MMP16: variants seen among roughly 807,000 people sequenced by gnomAD.
The protein encoded by MMP16 is matrix metalloproteinase-16.
Under a neutral mutation model 67.8 loss-of-function variants are expected in MMP16, and 12 were observed. That is an observed-to-expected ratio of 0.18 (90% CI 0.11 to 0.29). MMP16 has a LOEUF of 0.29. MMP16 is among the 10% of genes least tolerant of loss of function. MMP16 has a pLI of 1.00. For missense variants in MMP16, 475 were observed against 765.7 expected (o/e 0.62, Z 4.48); for synonymous variants, 249 against 255.9 (o/e 0.97, Z 0.26).
rs1006970920 is a variant in MMP16, at chr8:88,032,581, A to C, written c.*8880T>G. The C allele has an allele frequency of 6.6e-6, 1 of 152,144 alleles. No homozygotes were observed. Among genetic ancestry groups the C allele is most frequent in the Non-Finnish European group, 1.5e-5 (1 of 68,018 alleles). 9.4% of individuals were successfully genotyped at this position (152,144 alleles called of 1,614,324 possible). On this transcript the variant is annotated 3_prime_UTR_variant, in exon 10 of 10. Coordinates refer to ENST00000286614, the MANE Select transcript of MMP16 (RefSeq NM_005941.5). Reference sequence around the variant, plus strand: ...CACTGATCAATAAAATCAATGAAAAAATTAATTTAAGCACCACAAAATTTT... The same window carrying C: ...CACTGATCAATAAAATCAATGAAAACATTAATTTAAGCACCACAAAATTTT...
At chr8:88,213,329 G>A (rs148434328) in intron 1 of MMP16, among the ~76,000 whole-genome samples, 58 of 152,196 alleles carry the variant, frequency 3.8e-4, no homozygotes, top group African/African-American at 1.3e-3. Flanking sequence ...ATCACGAGAC[G>A]TTTGAGAATG....
intron 4 of MMP16, among the ~76,000 whole-genome samples, chr8:88,120,715 A>G (rs959412697): frequency 2.6e-5 from 4 of 152,012 alleles, no homozygotes; most frequent in Non-Finnish European, 4.4e-5. Context: ...ACATGAACTC[A>G]GTCAGAAGAC....
At chr8:88,327,046 G>C (rs764276272) in intron 1 of MMP16, 29 bp downstream of exon 1, 7 of 1,612,926 alleles carry the variant, frequency 4.3e-6, no homozygotes, top group Non-Finnish European at 3.4e-6. Flanking sequence ...CAGGCAGCGG[G>C]GGGAGGAAGA....
chr8:88,121,450 A>G (rs541034036), intron 4 of MMP16, among the ~76,000 whole-genome samples: 2 of 152,168 alleles, frequency 1.3e-5, no homozygotes, highest in South Asian at 4.1e-4. Context: ...GTTGTTCAAT[A>G]AAGTACTGCC....
At chr8:88,083,695 A>G (rs1041840991) in intron 6 of MMP16, among the ~76,000 whole-genome samples, 1 of 152,102 alleles carries the variant, frequency 6.6e-6, no homozygotes, top group Admixed American at 6.6e-5. Flanking sequence ...GAAAAAATGT[A>G]GTTCATCTCT....
chr8:88,186,487 G>A lies in MMP16; in HGVS notation c.393C>T (p.His131=), dbSNP rs1445882327. ...GTGAGTTCTTATACCTGTAAGTGAT[G>A]TGCTTGTGCTGCCATTTCTGTCCTG... is the stretch of plus-strand genomic sequence containing the variant. ...ALTGQKWQHK[H]ITYSIKNVTP... is the part of the protein sequence containing the mutation. The change falls in exon 3 of 10, where the codon CAC becomes CAT. Residue 131 remains histidine, a synonymous_variant. Transcript: ENST00000286614. The A allele has an allele frequency of 2.5e-6, 4 of 1,612,384 alleles. No homozygotes were observed. The highest frequency in any genetic ancestry group is 1.7e-5 in the Admixed American group (1 of 59,774).
chr8:88,298,773 T>C (rs1256116974), intron 1 of MMP16, among the ~76,000 whole-genome samples: 1 of 152,220 alleles, frequency 6.6e-6, no homozygotes, highest in East Asian at 1.9e-4. Context: ...TGTGATTAGC[T>C]ACATAATGTG....
chr8:88,155,704 AT>A (rs1267261296), intron 4 of MMP16, among the ~76,000 whole-genome samples: 1 of 152,050 alleles, frequency 6.6e-6, no homozygotes, highest in East Asian at 1.9e-4. Flanking sequence ...GCTTACCAAG[AT>A]TTTCTTCCAC....
intron 1 of MMP16, among the ~76,000 whole-genome samples, chr8:88,282,226 C>A (rs1202425068): frequency 1.3e-5 from 2 of 151,978 alleles, no homozygotes; most frequent in Non-Finnish European, 1.5e-5. Flanking sequence ...AGGCGTGCAC[C>A]ACCACACCCA....
chr8:88,305,173 CA>C (rs1172921437), intron 1 of MMP16, among the ~76,000 whole-genome samples: 3 of 152,082 alleles, frequency 2.0e-5, no homozygotes, highest in African/African-American at 7.2e-5. Flanking sequence ...GACTTTAAAC[CA>C]ACAAAGATCA....
intron 6 of MMP16, among the ~76,000 whole-genome samples, chr8:88,111,467 T>C (rs944846460): frequency 2.0e-5 from 3 of 151,654 alleles, no homozygotes; most frequent in African/African-American, 7.3e-5. Context: ...GTTTGAAATG[T>C]TCCAGAAACA....
In MMP16 at chr8:88,221,204, G is replaced by A. The variant is rs28904617; in HGVS notation, c.133-23898C>T. On this transcript the variant is annotated intron_variant, in intron 1 of 9. Coordinates refer to ENST00000286614, the MANE Select transcript of MMP16 (RefSeq NM_005941.5). ...ATGCCCTGTCCTTTTTCTCACCTGC[G>A]TCCTAGACAGCCAGGCAGGTTTGTT... Among the ~76,000 whole-genome samples, 1,226 of 152,120 alleles carry A rather than the reference G, an allele frequency of 8.1e-3. 16 individuals are homozygous for A. The highest frequency in any genetic ancestry group is 0.027 in the African/African-American group (1,118 of 41,526).
chr8:88,200,061 G>A (rs1468702939), intron 1 of MMP16, among the ~76,000 whole-genome samples: 5 of 151,930 alleles, frequency 3.3e-5, no homozygotes, highest in Admixed American at 3.3e-4. Context: ...ATTATTTTAT[G>A]CTTACCAACT....
chr8:88,146,253 A>G (rs1372530086), intron 4 of MMP16, among the ~76,000 whole-genome samples: 1 of 152,022 alleles, frequency 6.6e-6, no homozygotes, highest in Non-Finnish European at 1.5e-5. Context: ...AATTAGATAC[A>G]TACAGCAAAA....
At chr8:88,327,053 A>G in intron 1 of MMP16, 22 bp downstream of exon 1, 1 of 1,613,278 alleles carries the variant, frequency 6.2e-7, no homozygotes, top group Non-Finnish European at 8.5e-7. Flanking sequence ...CGGGGGGAGG[A>G]AGAAAGCCCT....
At chr8:88,042,207 GT>G (rs1288550441) in intron 9 of MMP16, among the ~76,000 whole-genome samples, 1 of 152,144 alleles carries the variant, frequency 6.6e-6, no homozygotes, top group Non-Finnish European at 1.5e-5. Context: ...CTGAAACACT[GT>G]TTACCCTCAG....
intron 6 of MMP16, among the ~76,000 whole-genome samples, chr8:88,092,616 C>A (rs904302832): frequency 2.0e-5 from 3 of 151,752 alleles, no homozygotes; most frequent in African/African-American, 7.3e-5. Flanking sequence ...CAAAGGCAGG[C>A]ACCTTATAAA....
Position 88,041,663 on chromosome 8 carries a change from T to C in MMP16, c.1622A>G (p.Glu541Gly). ...TACATCATCTGGTGGGCTGTGTCCT[T>C]CTTTAACTCTGTCTGTTGGTCCATC... ...GCDGPTDRVK[E>G]GHSPPDDVDI... is the part of the protein sequence containing the mutation. The change falls in exon 10 of 10, where the codon GAA becomes GGA. Residue 541 changes from glutamate (E) to glycine (G), a missense_variant. Around this residue, in one of 5 missense-constraint regions of MMP16, gnomAD observed 80 missense variants for 93.4 expected, o/e 0.86. Coordinates refer to ENST00000286614, the MANE Select transcript of MMP16 (RefSeq NM_005941.5). The surrounding 1 kb of genome is among the most constrained non-coding windows in gnomAD (Gnocchi z 6.0). 4.3e-6 allele frequency: 7 copies of C among 1,614,098 alleles called. No individual in the cohort carries two copies. Among genetic ancestry groups the C allele is most frequent in the Non-Finnish European group, 5.9e-6 (7 of 1,179,992 alleles).
chr8:88,143,482 TTCTG>T (rs1808244714), intron 4 of MMP16, among the ~76,000 whole-genome samples: 1 of 152,114 alleles, frequency 6.6e-6, no homozygotes, highest in Non-Finnish European at 1.5e-5. Context: ...TTATAATCTA[TTCTG>T]TCTAAAAGTT....
Sources: allele counts gnomAD v4.1 joint callset (sites outside exome capture counted in the v4.1 genomes callset), GRCh38; gene constraint gnomAD v4.1.1; regional missense constraint gnomAD v4.1.1; non-coding constraint Gnocchi (gnomAD v3.1); transcripts MANE v1.5; gene names NCBI Gene and HGNC (gene_info 2026-07-23, HGNC 2026-07-21).